Variants in ACLY observed in about 807,000 individuals in gnomAD.
The protein encoded by ACLY is ATP-citrate synthase.
Under a neutral mutation model 133.0 loss-of-function variants are expected in ACLY, and 41 were observed. The observed-to-expected ratio is 0.31, with a 90% confidence interval of 0.24 to 0.40. The LOEUF (loss-of-function observed/expected upper bound fraction) is 0.40, where lower values mean the gene tolerates loss of function less well. Among genes scored for constraint, ACLY ranks in the 10% least tolerant of loss-of-function variants. The probability of loss-of-function intolerance (pLI) is 1.00; values close to 1 mark genes in which losing one functional copy is unlikely to be tolerated. For missense variants in ACLY, 1,046 were observed against 1,453.8 expected (o/e 0.72, Z 4.56); for synonymous variants, 495 against 549.3 (o/e 0.90, Z 1.38).
intron 1 of ACLY, among the ~76,000 whole-genome samples, chr17:41,926,172 C>G (rs2050241515): frequency 6.6e-6 from 1 of 152,068 alleles, no homozygotes; most frequent in Non-Finnish European, 1.5e-5. Context: ...TACTTATGTT[C>G]TATTTCACAA....
At chr17:41,895,300 C>G (rs1316369540) in intron 14 of ACLY, among the ~76,000 whole-genome samples, 1 of 152,226 alleles carries the variant, frequency 6.6e-6, no homozygotes, top group African/African-American at 2.4e-5. Flanking sequence ...GTGCACATGC[C>G]TCTGATCTAT....
In ACLY at chr17:41,917,655, T is replaced by C. The variant is rs544386428; in HGVS notation, c.-24+1225A>G. Among the ~76,000 whole-genome samples the C allele has an allele frequency of 1.4e-3, 214 of 152,182 alleles. No homozygotes were observed. In the Middle Eastern group the frequency reaches 0.021, roughly 15 times the overall value. On this transcript the variant is annotated intron_variant, in intron 1 of 28. Transcript: ENST00000352035. ...GGATTGGGACTTACGTATGTAGGTA[T>C]TTATTTATTTATTTTTTGAGAAGAC...
chr17:41,905,004 C>G (rs1054732410), intron 9 of ACLY, among the ~76,000 whole-genome samples: 16 of 152,090 alleles, frequency 1.1e-4, no homozygotes, highest in Admixed American at 6.6e-5. Context: ...TCAGAACAAA[C>G]CCACAGGAGC....
intron 14 of ACLY, among the ~76,000 whole-genome samples, chr17:41,896,000 C>G (rs1555630240): frequency 6.6e-6 from 1 of 152,198 alleles, no homozygotes; most frequent in African/African-American, 2.4e-5. Flanking sequence ...CATACCCCTT[C>G]CAATTACCCA....
At chr17:41,907,366 CA>C in intron 7 of ACLY, 75 bp downstream of exon 7, 1 of 1,436,322 alleles carries the variant, frequency 7.0e-7, no homozygotes, top group African/African-American at 1.4e-5. Flanking sequence ...GAAGGGGGGC[CA>C]AATGCACATC....
intron 22 of ACLY, among the ~76,000 whole-genome samples, 155 bp downstream of exon 22, chr17:41,877,948 T>C (rs1401210589): frequency 6.6e-6 from 1 of 152,108 alleles, no homozygotes. Context: ...CTCCTTTATA[T>C]ATATATATCC....
chr17:41,874,160 G>C (rs1555625593), intron 22 of ACLY, among the ~76,000 whole-genome samples, 195 bp from the exon 23 acceptor site: 1 of 152,228 alleles, frequency 6.6e-6, no homozygotes, highest in Admixed American at 6.5e-5. Context: ...TTTGGACATA[G>C]AAAACAGGAG....
chr17:41,879,486 C>T (rs569998009), intron 20 of ACLY, among the ~76,000 whole-genome samples: 91 of 141,082 alleles, frequency 6.5e-4, no homozygotes, highest in African/African-American at 2.2e-3. Context: ...GATGCAGTCA[C>T]GGTTCACTGG....
chr17:41,905,871 T>G (rs1416556839), intron 8 of ACLY, among the ~76,000 whole-genome samples: 1 of 152,212 alleles, frequency 6.6e-6, no homozygotes, highest in Non-Finnish European at 1.5e-5. Context: ...CTGCCAGCCC[T>G]AAGGCACTGG....
In ACLY at chr17:41,925,862, T is replaced by TGA. The variant is rs1235016995; in HGVS notation, c.-28+4494_-28+4495dup. Among the ~76,000 whole-genome samples, 22 of 152,006 alleles carry TGA rather than the reference T, an allele frequency of 1.4e-4. No homozygotes were observed. In the Middle Eastern group the frequency reaches 0.01, roughly 71 times the overall value. ...CTACATAGGTGTACTTTTTTTTTTT[T>TGA]GAGAGAGAGTCTTGCTCTGTCGCCC... On this transcript the variant is annotated intron_variant, in intron 1 of 3. Transcript: ENST00000592970.
chr17:41,899,299 G>A (rs2049460253), intron 11 of ACLY, among the ~76,000 whole-genome samples: 1 of 151,242 alleles, frequency 6.6e-6, no homozygotes. Flanking sequence ...AACCACATAA[G>A]AAACATATTT....
chr17:41,885,584 A>G (rs1162064147), intron 18 of ACLY, among the ~76,000 whole-genome samples: 1 of 152,226 alleles, frequency 6.6e-6, no homozygotes, highest in African/African-American at 2.4e-5. Flanking sequence ...ATTAACTACA[A>G]TAAAAACTCA....
In ACLY at chr17:41,884,195, C is replaced by T. The variant is rs2048992344; in HGVS notation, c.2152G>A (p.Glu718Lys). 1 of 1,591,880 alleles carries T rather than the reference C, an allele frequency of 6.3e-7. No individual in the cohort carries two copies. The highest frequency in any genetic ancestry group is 1.3e-5 in the African/African-American group (1 of 74,446). Residue 718 changes from glutamate to lysine, a missense_variant and splice_region_variant, in exon 19 of 29, where the codon GAG becomes AAG. Glu to Lys is a moderately conservative substitution (Grantham distance 56). Transcript: ENST00000352035. ...PGVKMIVVLG[E>K]IGGTEEYKIC... ...TTTTTTTTTTTAAAGTAACTCACCT[C>T]TCCAAGAACCACAATCATTTTGACT...
chr17:41,907,981 G>C (rs1204195574), intron 6 of ACLY, among the ~76,000 whole-genome samples: 1 of 152,156 alleles, frequency 6.6e-6, no homozygotes, highest in Non-Finnish European at 1.5e-5. Flanking sequence ...ATGTCTCCCA[G>C]GGTCTGGCTA....
At position 41,878,782 on chromosome 17, in the gene ACLY, C is replaced by A. The variant is rs1409882694; in HGVS notation, c.2393+15G>T. On this transcript the variant is annotated intron_variant, in intron 21 of 28. Transcript: ENST00000352035. ...AAGGAGGGGGAGGCCGGCATCCTCC[C>A]CAAGGTCCACTTACTGGATGATCTC... 2 of 1,613,490 alleles carry A rather than the reference C, an allele frequency of 1.2e-6. No individual in the cohort carries two copies. The highest frequency in any genetic ancestry group is 2.2e-5 in the South Asian group (2 of 91,040).
intron 6 of ACLY, among the ~76,000 whole-genome samples, chr17:41,907,786 C>T (rs1425080531): frequency 1.3e-5 from 2 of 152,212 alleles, no homozygotes; most frequent in African/African-American, 4.8e-5. Flanking sequence ...CTCTCCCTGA[C>T]CTATAGGCAA....
chr17:41,879,797 C>A (rs1555626982), intron 20 of ACLY, among the ~76,000 whole-genome samples: 1 of 151,052 alleles, frequency 6.6e-6, no homozygotes, highest in Non-Finnish European at 1.5e-5. Flanking sequence ...TGGCTCACTG[C>A]AGCCTCAACC....
chr17:41,881,526 C>T (rs1197781387), intron 20 of ACLY, among the ~76,000 whole-genome samples: 1 of 151,972 alleles, frequency 6.6e-6, no homozygotes, highest in Non-Finnish European at 1.5e-5. Flanking sequence ...GCACGCCAGA[C>T]CTTTACAATT....
intron 22 of ACLY, among the ~76,000 whole-genome samples, chr17:41,875,368 G>GAA: frequency 6.7e-6 from 1 of 148,650 alleles, no homozygotes. Flanking sequence ...AAAAAAAAGG[G>GAA]GGGACGAGAT....
Sources: allele counts gnomAD v4.1 joint callset (sites outside exome capture counted in the v4.1 genomes callset), GRCh38; gene constraint gnomAD v4.1.1; transcripts MANE v1.5; gene names NCBI Gene and HGNC (gene_info 2026-07-23, HGNC 2026-07-21).